FIG4: variants seen among roughly 807,000 people sequenced by gnomAD.
FIG4 encodes the protein polyphosphoinositide phosphatase.
FIG4 carries 112 observed loss-of-function variants against 118.6 expected under a neutral mutation model. That is an observed-to-expected ratio of 0.94 (90% CI 0.81 to 1.11). The LOEUF is 1.11. Among genes scored for constraint, FIG4 ranks in the 50% least tolerant of loss-of-function variants. The pLI is 0.00. For missense variants in FIG4, 969 were observed against 1,111.7 expected, an observed-to-expected ratio of 0.87 and a Z score of 1.83; for synonymous variants, 369 against 381.2, an observed-to-expected ratio of 0.97 and a Z score of 0.37.
intron 1 of FIG4, among the ~76,000 whole-genome samples, chr6:109,701,562 GGGGAC>G (rs1774908892): frequency 6.6e-6 from 1 of 152,218 alleles, no homozygotes; most frequent in African/African-American, 2.4e-5. Flanking sequence ...CTATTTAGCA[GGGGAC>G]GGGGAGATGA....
chr6:109,757,669 A>G (rs757495714), intron 10 of FIG4, among the ~76,000 whole-genome samples: 37 of 152,206 alleles, frequency 2.4e-4, no homozygotes, highest in African/African-American at 1.4e-4. Context: ...GAGGAAGTCA[A>G]ATTATCTCTG....
At chr6:109,775,593 C>A (rs1483861845) in intron 15 of FIG4, among the ~76,000 whole-genome samples, 2 of 152,078 alleles carry the variant, frequency 1.3e-5, no homozygotes, top group East Asian at 3.9e-4. Flanking sequence ...AATGTAATTG[C>A]CATAAGAGCA....
chr6:109,766,584 G>A, intron 14 of FIG4, 145 bp from the exon 15 acceptor site: 1 of 699,004 alleles, frequency 1.4e-6, no homozygotes, highest in Non-Finnish European at 2.5e-6. Flanking sequence ...ATTAGCGTTT[G>A]CATTTATTTG....
At chr6:109,703,924 T>C (rs772551078) in intron 1 of FIG4, among the ~76,000 whole-genome samples, 43 of 152,198 alleles carry the variant, frequency 2.8e-4, no homozygotes, top group African/African-American at 1.0e-3. Context: ...CTCTAAATAA[T>C]GGAGTTCCTC....
intron 3 of FIG4, among the ~76,000 whole-genome samples, chr6:109,717,328 C>G (rs1049336892): frequency 6.6e-6 from 1 of 152,190 alleles, no homozygotes; most frequent in Non-Finnish European, 1.5e-5. Context: ...TGAGCCTCTT[C>G]ATTTAAATTT....
intron 22 of FIG4, 88 bp from the exon 23 acceptor site, chr6:109,825,000 G>A: frequency 8.1e-7 from 1 of 1,234,222 alleles, no homozygotes; most frequent in Non-Finnish European, 1.2e-6. Context: ...TTCAATGCCA[G>A]CGACTCTCAA....
chr6:109,810,977 T>C (rs1298747712), intron 22 of FIG4, among the ~76,000 whole-genome samples: 1 of 152,150 alleles, frequency 6.6e-6, no homozygotes, highest in Non-Finnish European at 1.5e-5. Flanking sequence ...CCAAGGATAC[T>C]CTTGTGTTGT....
intron 21 of FIG4, among the ~76,000 whole-genome samples, chr6:109,794,954 G>A (rs1778235167): frequency 6.6e-6 from 1 of 151,990 alleles, no homozygotes; most frequent in Non-Finnish European, 1.5e-5. Flanking sequence ...AGGATTTCTC[G>A]GTTTTGTAGT....
chr6:109,763,666 A>G (rs1330527573), intron 12 of FIG4, among the ~76,000 whole-genome samples: 1 of 152,216 alleles, frequency 6.6e-6, no homozygotes, highest in African/African-American at 2.4e-5. Flanking sequence ...ATTTTGGTTG[A>G]GCATGGGTAA....
At position 109,691,503 on chromosome 6, in the gene FIG4, T is replaced by G; in HGVS notation, c.66+2T>G. On this transcript the variant is annotated splice_donor_variant, in intron 1 of 22. Transcript: ENST00000230124. LOFTEE classifies it high-confidence loss of function. ...CTGGTTCTGTATGAGACTAGAGCTG[T>G]GAGTACCCCCTCGCGGCGGGGCGCA... The G allele has an allele frequency of 6.3e-7, 1 of 1,575,872 alleles. No individual in the cohort carries two copies. Among genetic ancestry groups the G allele is most frequent in the Non-Finnish European group, 8.6e-7 (1 of 1,160,338 alleles).
intron 5 of FIG4, among the ~76,000 whole-genome samples, chr6:109,734,333 C>G (rs1023714138): frequency 2.6e-5 from 4 of 151,146 alleles, no homozygotes; most frequent in African/African-American, 9.7e-5. Flanking sequence ...GGAAAGCCCC[C>G]TCAACACTTA....
chr6:109,723,224 C>G (rs1389337103), intron 3 of FIG4, among the ~76,000 whole-genome samples: 1 of 151,954 alleles, frequency 6.6e-6, no homozygotes, highest in Non-Finnish European at 1.5e-5. Context: ...CCTTGCATTG[C>G]TATTTCAGAA....
At chr6:109,721,806 A>G (rs1775619481) in intron 3 of FIG4, among the ~76,000 whole-genome samples, 1 of 152,204 alleles carries the variant, frequency 6.6e-6, no homozygotes, top group Non-Finnish European at 1.5e-5. Flanking sequence ...TACTGAAGCC[A>G]TTTGTGCTGG....
intron 10 of FIG4, among the ~76,000 whole-genome samples, chr6:109,753,226 G>A (rs1366060597): frequency 6.6e-6 from 1 of 152,058 alleles, no homozygotes; most frequent in Non-Finnish European, 1.5e-5. Flanking sequence ...AGACGAGATC[G>A]GGCGTGTTCA....
chr6:109,755,378 AGGTGTGGTGT>A (rs984863678), intron 10 of FIG4, among the ~76,000 whole-genome samples: 5 of 152,160 alleles, frequency 3.3e-5, no homozygotes, highest in Admixed American at 1.3e-4. Context: ...ATTTTGGAAT[AGGTGTGGTGT>A]GGTGCTGAAA....
At chr6:109,760,512 G>A (rs1777070655) in intron 11 of FIG4, 129 bp downstream of exon 11, 6 of 842,114 alleles carry the variant, frequency 7.1e-6, no homozygotes, top group Non-Finnish European at 1.2e-5. Flanking sequence ...TTGAGGGGCT[G>A]TTTTGAGTGC....
chr6:109,763,905 A>C, intron 12 of FIG4, 32 bp from the exon 13 acceptor site: 2 of 1,487,008 alleles, frequency 1.3e-6, no homozygotes, highest in Non-Finnish European at 1.9e-6. Context: ...TCTGCCATTA[A>C]GTTTTTTAAA....
chr6:109,733,967 G>C (rs1311059786), intron 5 of FIG4, among the ~76,000 whole-genome samples: 2 of 151,816 alleles, frequency 1.3e-5, no homozygotes, highest in South Asian at 4.1e-4. Flanking sequence ...ATATTCTTAA[G>C]ACTCTCTAGA....
chr6:109,804,528 C>A (rs1778512747), intron 22 of FIG4, among the ~76,000 whole-genome samples: 1 of 152,110 alleles, frequency 6.6e-6, no homozygotes, highest in Non-Finnish European at 1.5e-5. Context: ...AGTCACACTG[C>A]CCTTTGCATG....
Sources: gnomAD v4.1 joint callset for allele counts (sites outside exome capture counted in the v4.1 genomes callset) on GRCh38, gnomAD v4.1.1 for gene constraint, MANE v1.5 for transcripts, NCBI Gene and HGNC (gene_info 2026-07-23, HGNC 2026-07-21) for gene names.